The following CACNA1I variants were observed in gnomAD, a reference collection of about 807,000 sequenced individuals.
The protein encoded by CACNA1I is voltage-dependent T-type calcium channel subunit alpha-1I.
In CACNA1I, 74 loss-of-function variants were observed where a neutral mutation model predicts 201.6. The ratio of observed to expected loss-of-function variants is 0.37; its 90% CI spans 0.30 to 0.45. The LOEUF is 0.45. Among genes scored for constraint, CACNA1I ranks in the 20% least tolerant of loss-of-function variants. The pLI is 1.00. For missense variants in CACNA1I, 2,346 were observed against 3,138.1 expected, an observed-to-expected ratio of 0.75 and a Z score of 6.03; for synonymous variants, 1,431 against 1,345.2, an observed-to-expected ratio of 1.06 and a Z score of -1.40.
intron 1 of CACNA1I, among the ~76,000 whole-genome samples, chr22:39,579,155 G>C (rs1172995530): frequency 6.6e-6 from 1 of 152,222 alleles, no homozygotes; most frequent in Non-Finnish European, 1.5e-5. Context: ...GCCCAGCACA[G>C]GCCTGGCGCT....
intron 1 of CACNA1I, among the ~76,000 whole-genome samples, chr22:39,593,715 G>A (rs1932848687): frequency 6.6e-6 from 1 of 152,144 alleles, no homozygotes; most frequent in Non-Finnish European, 1.5e-5. Flanking sequence ...GATTAGCCTG[G>A]CAGTGGCAAA....
chr22:39,662,375 C>A lies in CACNA1I; in HGVS notation c.3312C>A (p.Asp1104Glu). ...GCAGGATGCCCAGCATCGCCAAAGA[C>A]GTCTTCACCAAGATGGGCGACCGCG... is the stretch of plus-strand genomic sequence containing the variant. ...CNGRMPSIAK[D>E]VFTKMGDRGD... Residue 1104 changes from aspartate to glutamate, a missense_variant, in exon 17 of 37, where the codon GAC (aspartate) becomes GAA (glutamate). Asp to Glu is a conservative substitution (Grantham distance 45). Around this residue, in one of 13 missense-constraint regions of CACNA1I, gnomAD observed 288 missense variants for 255.2 expected, o/e 1.13. Transcript: ENST00000402142. 3 of 1,480,446 alleles carry A rather than the reference C, an allele frequency of 2.0e-6. No individual in the cohort carries two copies. The highest frequency in any genetic ancestry group is 2.7e-6 in the Non-Finnish European group (3 of 1,123,432). The allele number at this position is 1,480,446 out of a possible 1,614,324, so 91.7% of individuals were successfully genotyped here. A position where few individuals can be genotyped will look rare whatever the true frequency, so the allele number is the denominator to read the frequency against.
rs1295259902 is a variant in CACNA1I at position 39,685,904 on chromosome 22, C to T, written c.6171C>T (p.Ala2057=). 5.8e-6 allele frequency: 8 copies of T among 1,369,938 alleles called. No individual in the cohort carries two copies. The highest frequency in any genetic ancestry group is 6.5e-6 in the Non-Finnish European group (7 of 1,070,382). 84.9% of individuals were successfully genotyped at this position (1,369,938 alleles called of 1,614,324 possible). ...CCGCGCCTGCTCCAGGACCCCGGGC[C>T]GGCCTGTCCCCCGCCGCTCGCCGCC... ...GPPAPAPGPR[A]GLSPAARRRL... The change falls in exon 37 of 37, where the codon GCC becomes GCT. Residue 2057 remains alanine, a synonymous_variant. Transcript: ENST00000402142. This position sits in a 1 kb window ranked among gnomAD's most constrained non-coding sequence, Gnocchi z 5.0.
At chr22:39,660,059 C>T (rs9623039) in intron 14 of CACNA1I, among the ~76,000 whole-genome samples, 40 of 152,240 alleles carry the variant, frequency 2.6e-4, no homozygotes, top group African/African-American at 8.9e-4. Flanking sequence ...TGCTCCCCCC[C>T]AGGGATGTAG....
In CACNA1I at chr22:39,685,480, G is replaced by T. The variant is rs1935832986; in HGVS notation, c.6028-281G>T. Among the ~76,000 whole-genome samples, 1 of 151,958 alleles carries T rather than the reference G, an allele frequency of 6.6e-6. No homozygotes were observed. The highest frequency in any genetic ancestry group is 2.1e-4 in the South Asian group (1 of 4,824). ...CCTGGGGGAGGGCGGTGGGCCCAGG[G>T]CTTCCCCTTGGAGTGAGCCTGGAGC... On this transcript the variant is annotated intron_variant, in intron 36 of 36. Coordinates refer to ENST00000402142, the MANE Select transcript of CACNA1I (RefSeq NM_021096.4). The surrounding 1 kb of genome is among the most constrained non-coding windows in gnomAD (Gnocchi z 5.0).
rs1031876193 is a variant in CACNA1I at position 39,665,066 on chromosome 22, C to CG, written c.3851+148dup. ...AGTGCCAAACACCCTGAGCTGTTCC[C>CG]GGGGGAGGGGTCTGCAGACCCTGGG... On this transcript the variant is annotated intron_variant, in intron 21 of 36. Transcript: ENST00000402142. The surrounding 1 kb of genome is among the most constrained non-coding windows in gnomAD (Gnocchi z 5.5). 1.8e-5 allele frequency: 14 copies of CG among 786,346 alleles called. No individual in the cohort carries two copies. The highest frequency in any genetic ancestry group is 2.6e-5 in the Non-Finnish European group (13 of 494,938). 48.7% of individuals were successfully genotyped at this position (786,346 alleles called of 1,614,324 possible). A position where few individuals can be genotyped will look rare whatever the true frequency, so the allele number is the denominator to read the frequency against.
At chr22:39,670,299 C>G (rs1423729778) in intron 25 of CACNA1I, 69 bp downstream of exon 25, 3 of 1,487,042 alleles carry the variant, frequency 2.0e-6, no homozygotes, top group Non-Finnish European at 2.7e-6. Context: ...CTGACCCCAG[C>G]CTCCTGAGCC....
At chr22:39,585,394 T>C (rs1205341744) in intron 1 of CACNA1I, among the ~76,000 whole-genome samples, 9 of 139,402 alleles carry the variant, frequency 6.5e-5, no homozygotes, top group East Asian at 2.0e-4. Flanking sequence ...TTCTTTTTTT[T>C]TTTTTTTTTT....
intron 4 of CACNA1I, among the ~76,000 whole-genome samples, chr22:39,622,392 C>T (rs781416702): frequency 1.5e-3 from 108 of 72,612 alleles, no homozygotes; most frequent in African/African-American, 5.7e-3. Flanking sequence ...GAGGGCTGGG[C>T]GGCAGTAGCG....
Position 39,684,039 on chromosome 22 carries a change from C to T in CACNA1I, c.5831-263C>T, listed in dbSNP as rs941915747. On this transcript the variant is annotated intron_variant, in intron 35 of 36. Transcript: ENST00000402142. The surrounding 1 kb of genome is among the most constrained non-coding windows in gnomAD (Gnocchi z 4.6). ...AGGAAGAGAGCTAGGCTTGAGCCCGCGTCTGCTTGCCTCCAAAAGCTGTGT... is the reference window on the plus strand; with the variant it reads ...AGGAAGAGAGCTAGGCTTGAGCCCGTGTCTGCTTGCCTCCAAAAGCTGTGT... Among the ~76,000 whole-genome samples, 21 of 152,118 alleles carry T rather than the reference C, an allele frequency of 1.4e-4. No homozygotes were observed. The highest frequency in any genetic ancestry group is 4.8e-4 in the African/African-American group (20 of 41,430).
rs1381244359 is a variant in CACNA1I at position 39,628,309 on chromosome 22, C to T, written c.581-6256C>T. Among the ~76,000 whole-genome samples, 9 of 152,050 alleles carry T rather than the reference C, an allele frequency of 5.9e-5. 1 individual carries two copies. Among genetic ancestry groups the T allele is most frequent in the Admixed American group, 5.9e-4 (9 of 15,282 alleles). On this transcript the variant is annotated intron_variant, in intron 4 of 36. Transcript: ENST00000402142. ...TCCCCAAAGGCTGACAGCTGCAGGC[C>T]AGTGGGACGCCTGATCTGATCGGGG...
At chr22:39,605,777 G>A (rs1981023310) in intron 3 of CACNA1I, among the ~76,000 whole-genome samples, 1 of 152,052 alleles carries the variant, frequency 6.6e-6, no homozygotes, top group South Asian at 2.1e-4. Flanking sequence ...GAGCTGGCCA[G>A]GCAGAGAGCT....
At chr22:39,663,678 G>A in intron 18 of CACNA1I, 40 bp from the exon 19 acceptor site, 2 of 1,610,794 alleles carry the variant, frequency 1.2e-6, no homozygotes, top group East Asian at 2.2e-5. Context: ...CAGGGTGGGA[G>A]GCAGCTGACG....
intron 7 of CACNA1I, among the ~76,000 whole-genome samples, chr22:39,646,303 A>C (rs1934483253): frequency 2.0e-5 from 3 of 147,964 alleles, no homozygotes; most frequent in Non-Finnish European, 1.5e-5. Context: ...AGCCCGTCTT[A>C]CTCTCTTTGT....
Position 39,647,839 on chromosome 22 carries a change from CAGGGAGATGA to C in CACNA1I, c.1488_1497del (p.Glu497IlefsTer148). ...CTTTTCAGATGGGAAGACTAAGGGT[CAGGGAGATGA>C]AGGGAGACATCTCGGAAGCCGGCAT... On this transcript the variant is annotated frameshift_variant, in exon 9 of 37. Transcript: ENST00000402142. LOFTEE classifies it high-confidence loss of function. 1 of 1,608,144 alleles carries C rather than the reference CAGGGAGATGA, an allele frequency of 6.2e-7. No individual in the cohort carries two copies. The highest frequency in any genetic ancestry group is 8.5e-7 in the Non-Finnish European group (1 of 1,174,918).
At chr22:39,657,576 T>C (rs1734329960) in intron 10 of CACNA1I, among the ~76,000 whole-genome samples, 1 of 152,210 alleles carries the variant, frequency 6.6e-6, no homozygotes, top group African/African-American at 2.4e-5. Flanking sequence ...CCAGGCTGCC[T>C]GGGTTCAAAT....
chr22:39,635,940 T>G (rs1393050397), intron 5 of CACNA1I, among the ~76,000 whole-genome samples: 1 of 151,654 alleles, frequency 6.6e-6, no homozygotes, highest in Non-Finnish European at 1.5e-5. Flanking sequence ...TCTTGACTCA[T>G]CTCTCTGAAA....
chr22:39,658,155 G>A lies in CACNA1I; in HGVS notation c.1996G>A (p.Glu666Lys). 2 of 1,613,932 alleles carry A rather than the reference G, an allele frequency of 1.2e-6. No individual in the cohort carries two copies. The highest frequency in any genetic ancestry group is 1.7e-6 in the Non-Finnish European group (2 of 1,179,836). Residue 666 changes from glutamate (E) to lysine (K), a missense_variant, in exon 11 of 37, where the codon GAG (glutamate) becomes AAG (lysine). Coordinates refer to ENST00000402142, the MANE Select transcript of CACNA1I (RefSeq NM_021096.4). The part of the protein sequence containing the change: ...SMGIEHHEQP[E>K]ELTNILEICN... ...TCCCCACCCCAATGCCCCACAGCCG[G>A]AGGAGCTGACCAACATCCTGGAGAT...
At chr22:39,646,912 A>T in intron 8 of CACNA1I, 31 bp downstream of exon 8, 1 of 1,457,562 alleles carries the variant, frequency 6.9e-7, no homozygotes, top group Non-Finnish European at 9.0e-7. Flanking sequence ...CGCGGCACTC[A>T]GGCACTTCGT....
Sources: gnomAD v4.1 joint callset for allele counts (sites outside exome capture counted in the v4.1 genomes callset) on GRCh38, gnomAD v4.1.1 for gene constraint, gnomAD v4.1.1 regional missense constraint, Gnocchi (gnomAD v3.1) non-coding constraint, MANE v1.5 for transcripts, NCBI Gene and HGNC (gene_info 2026-07-23, HGNC 2026-07-21) for gene names.